Variants in RGPD2 observed in about 807,000 individuals in gnomAD.
The protein encoded by RGPD2 is RANBP2-like and GRIP domain-containing protein 2.
RGPD2 carries 2 observed loss-of-function variants against 36.0 expected under a neutral mutation model. The observed-to-expected ratio is 0.06, with a 90% CI of 0.02 to 0.17. RGPD2 has a LOEUF of 0.17. Ranked by LOEUF, RGPD2 falls within the 10% of genes least tolerant of loss-of-function variation. The probability of loss-of-function intolerance (pLI) is 1.00; values close to 1 mark genes in which losing one functional copy is unlikely to be tolerated. For missense variants in RGPD2, 40 were observed against 464.3 expected (o/e 0.09, Z 8.40); for synonymous variants, 19 against 163.8 (o/e 0.12, Z 6.75).
At chr2:87,937,022 G>A in the RGPD2 span, among the ~76,000 whole-genome samples, 1 of 151,392 alleles carries the variant, frequency 6.6e-6, no homozygotes, top group Non-Finnish European at 1.5e-5. Context: ...AAAAACACGA[G>A]CAAAATATGG....
At chr2:87,864,590 A>C in the RGPD2 span, among the ~76,000 whole-genome samples, 27 of 151,444 alleles carry the variant, frequency 1.8e-4, no homozygotes, top group African/African-American at 6.3e-4. Flanking sequence ...AGATAGATAG[A>C]TAGATAGATA....
chr2:87,825,911 G>A (rs1260041585), upstream of RGPD2: 3 of 758,562 alleles, frequency 4.0e-6, no homozygotes, highest in African/African-American at 1.8e-5. Context: ...AGCTGCACTC[G>A]GCCGGGCTCT....
chr2:87,866,093 ACAAT>A, the RGPD2 span, among the ~76,000 whole-genome samples: 1 of 130,944 alleles, frequency 7.6e-6, no homozygotes, highest in East Asian at 2.2e-4. Context: ...AAACAGAGGC[ACAAT>A]CAGTTTTGTT....
chr2:87,939,264 T>C, the RGPD2 span, among the ~76,000 whole-genome samples: 1 of 152,042 alleles, frequency 6.6e-6, no homozygotes. Context: ...ATTTTTTCAA[T>C]GTGGACTGGA....
At chr2:87,911,346 G>A in the RGPD2 span, among the ~76,000 whole-genome samples, 293 of 146,092 alleles carry the variant, frequency 2.0e-3, 1 homozygote, top group African/African-American at 7.1e-3. Flanking sequence ...GAAATCAGAG[G>A]GATAGAGGAA....
At chr2:87,886,216 G>C in the RGPD2 span, among the ~76,000 whole-genome samples, 3 of 151,558 alleles carry the variant, frequency 2.0e-5, no homozygotes, top group African/African-American at 4.8e-5. Context: ...CCTGCTGCCT[G>C]GAACAGTCTT....
At chr2:87,906,663 C>A in the RGPD2 span, among the ~76,000 whole-genome samples, 1 of 148,868 alleles carries the variant, frequency 6.7e-6, no homozygotes, top group South Asian at 2.2e-4. Flanking sequence ...GGAGGTACCT[C>A]TTGATTATTT....
At chr2:87,951,825 C>T in the RGPD2 span, among the ~76,000 whole-genome samples, 460 of 141,922 alleles carry the variant, frequency 3.2e-3, no homozygotes, top group African/African-American at 0.011. Flanking sequence ...CTTTGTGATC[C>T]GCCCGCCTCA....
the RGPD2 span, among the ~76,000 whole-genome samples, chr2:87,906,721 C>A: frequency 6.6e-6 from 1 of 150,668 alleles, no homozygotes; most frequent in African/African-American, 2.4e-5. Flanking sequence ...TATTTCTGAA[C>A]CCTCTAAGCG....
At chr2:87,826,994 T>TAAAG (rs1362944075), upstream of RGPD2, among the ~76,000 whole-genome samples, 8 of 139,696 alleles carry the variant, frequency 5.7e-5, no homozygotes, top group East Asian at 2.1e-4. Flanking sequence ...TTGCAGGGAT[T>TAAAG]AAAGAATGAA....
the RGPD2 span, among the ~76,000 whole-genome samples, chr2:87,830,932 C>T: frequency 6.6e-4 from 101 of 152,122 alleles, no homozygotes; most frequent in Middle Eastern, 3.4e-3. Context: ...AGTGGGACAC[C>T]GTCAAACCAT....
the RGPD2 span, among the ~76,000 whole-genome samples, chr2:87,834,570 AG>A: frequency 6.6e-6 from 1 of 151,908 alleles, no homozygotes; most frequent in Non-Finnish European, 1.5e-5. Flanking sequence ...ACAATTGGAA[AG>A]ATTTAAAATA....
upstream of RGPD2, among the ~76,000 whole-genome samples, chr2:87,830,581 A>T (rs1354718753): frequency 6.6e-6 from 1 of 152,184 alleles, no homozygotes; most frequent in Non-Finnish European, 1.5e-5. Flanking sequence ...TACTGATACC[A>T]ATTGACTGTA....
the RGPD2 span, among the ~76,000 whole-genome samples, chr2:87,962,327 G>C: frequency 2.6e-5 from 4 of 151,904 alleles, no homozygotes; most frequent in Non-Finnish European, 5.9e-5. Context: ...TTTTTAACTG[G>C]AAATTTGGGC....
the RGPD2 span, among the ~76,000 whole-genome samples, chr2:87,932,013 T>C: frequency 7.0e-6 from 1 of 143,372 alleles, no homozygotes; most frequent in Non-Finnish European, 1.6e-5. Context: ...TATATTTTGT[T>C]AATTTTCTGC....
At chr2:87,834,419 A>G in the RGPD2 span, among the ~76,000 whole-genome samples, 1 of 152,124 alleles carries the variant, frequency 6.6e-6, no homozygotes, top group East Asian at 1.9e-4. Flanking sequence ...CTCTCCTTAT[A>G]TGAAGATTAC....
the RGPD2 span, among the ~76,000 whole-genome samples, chr2:87,864,576 TG>T: frequency 1.3e-5 from 2 of 151,296 alleles, no homozygotes; most frequent in Non-Finnish European, 3.0e-5. Context: ...CATAGATAGA[TG>T]ATAGATAGAT....
chr2:87,874,061 A>C, the RGPD2 span, among the ~76,000 whole-genome samples: 4 of 149,218 alleles, frequency 2.7e-5, no homozygotes, highest in African/African-American at 4.9e-5. Flanking sequence ...TCCTTTGCCT[A>C]TGGTTTTTTT....
upstream of RGPD2, among the ~76,000 whole-genome samples, chr2:87,830,613 A>G (rs554109907): frequency 3.9e-5 from 6 of 152,302 alleles, no homozygotes; most frequent in South Asian, 1.2e-3. Context: ...TCATACTGCT[A>G]TGAAGAAATA....
Sources: gnomAD v4.1 joint callset for allele counts (sites outside exome capture counted in the v4.1 genomes callset) on GRCh38, gnomAD v4.1.1 for gene constraint, MANE v1.5 for transcripts, NCBI Gene and HGNC (gene_info 2026-07-23, HGNC 2026-07-21) for gene names.